KCNJ3: variants seen among roughly 807,000 people sequenced by gnomAD.
KCNJ3 encodes the protein G protein-activated inward rectifier potassium channel 1.
Under a neutral mutation model 39.2 loss-of-function variants are expected in KCNJ3, and 4 were observed. That is an observed-to-expected ratio of 0.10 (90% CI 0.05 to 0.23). The LOEUF is 0.23. KCNJ3 is among the 10% of genes least tolerant of loss of function. KCNJ3 has a pLI of 1.00. For missense variants in KCNJ3, 276 were observed against 634.9 expected (o/e 0.43, Z 6.08); for synonymous variants, 230 against 237.4 (o/e 0.97, Z 0.29).
At chr2:154,726,287 A>G (rs543880120) in intron 2 of KCNJ3, among the ~76,000 whole-genome samples, 35 of 152,282 alleles carry the variant, frequency 2.3e-4, no homozygotes, top group African/African-American at 8.4e-4. Flanking sequence ...ATCCAATCAA[A>G]AAGTGGTCTG....
chr2:154,736,759 G>T (rs1685554258), intron 2 of KCNJ3, among the ~76,000 whole-genome samples: 1 of 152,116 alleles, frequency 6.6e-6, no homozygotes, highest in Non-Finnish European at 1.5e-5. Flanking sequence ...AAAACATATT[G>T]AACACCAGTT....
At chr2:154,806,126 T>C (rs1314039581) in intron 2 of KCNJ3, among the ~76,000 whole-genome samples, 6 of 152,130 alleles carry the variant, frequency 3.9e-5, no homozygotes, top group Admixed American at 2.6e-4. Flanking sequence ...CTCTCGAGAA[T>C]TGTGAAGGTT....
chr2:154,779,781 A>G (rs1686403036), intron 2 of KCNJ3, among the ~76,000 whole-genome samples: 1 of 151,900 alleles, frequency 6.6e-6, no homozygotes, highest in African/African-American at 2.4e-5. Context: ...TGACCTCCTG[A>G]TCCGCCCACC....
chr2:154,797,560 GTTA>G lies in KCNJ3; in HGVS notation c.920-57161_920-57159del, dbSNP rs547854232. On this transcript the variant is annotated intron_variant, in intron 2 of 2. Transcript: ENST00000295101. Reference sequence around the variant, plus strand: ...TTTTGATATTGTTGCTGTTTTCAGTGTTATTATTTTATAAAATAAAAAGATATA... The same window carrying G: ...TTTTGATATTGTTGCTGTTTTCAGTGTTATTTTATAAAATAAAAAGATATA... Among the ~76,000 whole-genome samples the G allele has an allele frequency of 4.1e-4, 63 of 152,008 alleles. 2 individuals carry two copies. In the South Asian group the frequency reaches 0.013, roughly 31 times the overall value.
At chr2:154,790,297 C>T (rs375521573) in intron 2 of KCNJ3, among the ~76,000 whole-genome samples, 17 of 152,096 alleles carry the variant, frequency 1.1e-4, no homozygotes, top group South Asian at 2.1e-4. Context: ...AGTAATCCGA[C>T]GCTAGAAACT....
At chr2:154,757,078 T>TTA (rs146053639) in intron 2 of KCNJ3, among the ~76,000 whole-genome samples, 6 of 151,824 alleles carry the variant, frequency 4.0e-5, no homozygotes, top group East Asian at 1.9e-4. Flanking sequence ...TGTCAAAGTA[T>TTA]TATATATATA....
intron 2 of KCNJ3, among the ~76,000 whole-genome samples, chr2:154,719,151 G>A (rs933885988): frequency 1.3e-5 from 2 of 152,072 alleles, no homozygotes; most frequent in South Asian, 2.1e-4. Context: ...GTGTTAAAAT[G>A]TCTGACGTTT....
intron 2 of KCNJ3, among the ~76,000 whole-genome samples, chr2:154,751,876 T>G: frequency 6.6e-6 from 1 of 151,970 alleles, no homozygotes; most frequent in Admixed American, 6.6e-5. Context: ...ATCTTCTCTT[T>G]TTATAAAGAC....
chr2:154,800,579 A>G (rs1300102701), intron 2 of KCNJ3, among the ~76,000 whole-genome samples: 1 of 152,142 alleles, frequency 6.6e-6, no homozygotes, highest in African/African-American at 2.4e-5. Context: ...TATTGCCTTC[A>G]ATATGACTTT....
chr2:154,776,479 A>C (rs538627068), intron 2 of KCNJ3, among the ~76,000 whole-genome samples: 1 of 152,288 alleles, frequency 6.6e-6, no homozygotes, highest in South Asian at 2.1e-4. Flanking sequence ...ATATTAATTA[A>C]TTAATTAGTG....
At chr2:154,834,132 G>T (rs956123032) in intron 2 of KCNJ3, among the ~76,000 whole-genome samples, 1 of 152,134 alleles carries the variant, frequency 6.6e-6, no homozygotes, top group African/African-American at 2.4e-5. Context: ...CTTCAAAAGT[G>T]ACTGTGCCAT....
chr2:154,769,099 G>GT (rs1329733780), intron 2 of KCNJ3, among the ~76,000 whole-genome samples: 5 of 152,112 alleles, frequency 3.3e-5, no homozygotes, highest in Admixed American at 1.3e-4. Flanking sequence ...GAGACAATGG[G>GT]TTTTTTTAGA....
chr2:154,704,269 G>A (rs1684959359), intron 1 of KCNJ3, among the ~76,000 whole-genome samples: 1 of 152,026 alleles, frequency 6.6e-6, no homozygotes, highest in Admixed American at 6.6e-5. Context: ...AACAGCAGTA[G>A]GTAAGAACAA....
At chr2:154,829,142 T>G (rs1687320611) in intron 2 of KCNJ3, among the ~76,000 whole-genome samples, 1 of 152,120 alleles carries the variant, frequency 6.6e-6, no homozygotes, top group African/African-American at 2.4e-5. Context: ...TAACTGATAT[T>G]GTAGGTTCAG....
At chr2:154,761,303 G>T (rs1388329942) in intron 2 of KCNJ3, among the ~76,000 whole-genome samples, 1 of 151,802 alleles carries the variant, frequency 6.6e-6, no homozygotes, top group Non-Finnish European at 1.5e-5. Context: ...ATTGCCATTT[G>T]TTTTTACGTT....
At chr2:154,702,920 T>A (rs886359170) in intron 1 of KCNJ3, among the ~76,000 whole-genome samples, 9 of 152,012 alleles carry the variant, frequency 5.9e-5, no homozygotes, top group African/African-American at 1.7e-4. Context: ...CTAACTAGTA[T>A]CATGGCTATG....
intron 2 of KCNJ3, among the ~76,000 whole-genome samples, chr2:154,824,343 A>G (rs950772930): frequency 2.0e-5 from 3 of 152,154 alleles, no homozygotes; most frequent in African/African-American, 7.2e-5. Context: ...CTCAAGAAAA[A>G]TAAAATAGAA....
intron 2 of KCNJ3, among the ~76,000 whole-genome samples, chr2:154,819,154 A>C (rs537338690): frequency 2.1e-3 from 316 of 152,190 alleles, no homozygotes; most frequent in Non-Finnish European, 3.5e-3. Flanking sequence ...AAAAGAAAAA[A>C]AGACCATGAG....
chr2:154,726,995 G>A (rs1482880886), intron 2 of KCNJ3, among the ~76,000 whole-genome samples: 2 of 152,100 alleles, frequency 1.3e-5, no homozygotes, highest in South Asian at 2.1e-4. Flanking sequence ...AATGATCAGT[G>A]GACTTTGGGG....
Sources: gnomAD v4.1 joint callset for allele counts (sites outside exome capture counted in the v4.1 genomes callset) on GRCh38, gnomAD v4.1.1 for gene constraint, MANE v1.5 for transcripts, NCBI Gene and HGNC (gene_info 2026-07-23, HGNC 2026-07-21) for gene names.